The following CAST variants were observed in gnomAD, a reference collection of about 807,000 sequenced individuals.
The protein encoded by CAST is MIR583 host.
A neutral mutation model predicts 119.6 loss-of-function variants in CAST; 76 were observed. That is an observed-to-expected ratio of 0.64 (90% CI 0.53 to 0.77). The LOEUF is 0.77. Among genes scored for constraint, CAST ranks in the 30% least tolerant of loss-of-function variants. The pLI is 0.00. For missense variants in CAST, 953 were observed against 946.5 expected (o/e 1.01, Z -0.09); for synonymous variants, 319 against 331.6 (o/e 0.96, Z 0.41).
At chr5:96,637,463 G>T (rs1367040539) in intron 1 of CAST, among the ~76,000 whole-genome samples, 1 of 152,160 alleles carries the variant, frequency 6.6e-6, no homozygotes, top group African/African-American at 2.4e-5. Flanking sequence ...GTGGGTAAAT[G>T]AATTCAGCTT....
At chr5:96,330,848 A>C in the CAST span, among the ~76,000 whole-genome samples, 1 of 152,022 alleles carries the variant, frequency 6.6e-6, no homozygotes, top group Non-Finnish European at 1.5e-5. Context: ...GAGTGTGTGG[A>C]CCCTGGAGTG....
At chr5:96,364,738 A>AGT in the CAST span, among the ~76,000 whole-genome samples, 5 of 151,842 alleles carry the variant, frequency 3.3e-5, no homozygotes, top group African/African-American at 1.2e-4. Context: ...GTCTTGCTGC[A>AGT]GGTCTATCAA....
At chr5:96,235,592 C>T in the CAST span, among the ~76,000 whole-genome samples, 1 of 152,172 alleles carries the variant, frequency 6.6e-6, no homozygotes, top group South Asian at 2.1e-4. Flanking sequence ...AATCTCCCCA[C>T]TAGAAGTTGT....
At chr5:96,548,960 G>T (rs1465566856) in intron 1 of CAST, among the ~76,000 whole-genome samples, 3 of 152,164 alleles carry the variant, frequency 2.0e-5, no homozygotes, top group Non-Finnish European at 4.4e-5. Flanking sequence ...GCCTGAAGGT[G>T]AGCATCACTG....
At chr5:95,987,275 G>A in the CAST span, among the ~76,000 whole-genome samples, 8 of 152,146 alleles carry the variant, frequency 5.3e-5, no homozygotes, top group South Asian at 1.0e-3. Flanking sequence ...ACAAAGGAGT[G>A]TGACCCTTTC....
chr5:96,277,825 G>C, the CAST span, among the ~76,000 whole-genome samples: 3 of 151,728 alleles, frequency 2.0e-5, no homozygotes, highest in African/African-American at 7.3e-5. Context: ...TGTATTTATA[G>C]TCTTAAACAT....
chr5:96,640,894 A>G (rs1747941752), intron 1 of CAST, among the ~76,000 whole-genome samples: 2 of 152,198 alleles, frequency 1.3e-5, no homozygotes, highest in Non-Finnish European at 2.9e-5. Flanking sequence ...CCCAGAAACT[A>G]AGGTAAAGTC....
At chr5:96,178,827 C>T in the CAST span, among the ~76,000 whole-genome samples, 33 of 152,224 alleles carry the variant, frequency 2.2e-4, no homozygotes, top group Admixed American at 2.2e-3. Flanking sequence ...TGAGAGAGCA[C>T]TTATCTCTCA....
At chr5:96,555,929 C>A (rs1746229586) in intron 1 of CAST, among the ~76,000 whole-genome samples, 1 of 152,220 alleles carries the variant, frequency 6.6e-6, no homozygotes, top group Admixed American at 6.5e-5. Flanking sequence ...ACTGCCTCCT[C>A]AAGTGAGTAG....
intron 2 of CAST, among the ~76,000 whole-genome samples, chr5:96,686,782 A>C (rs1461072210): frequency 6.6e-6 from 1 of 152,178 alleles, no homozygotes; most frequent in Non-Finnish European, 1.5e-5. Context: ...TTCTGTAAGG[A>C]AAAAAATATT....
the CAST span, among the ~76,000 whole-genome samples, chr5:96,446,377 A>G: frequency 1.3e-5 from 2 of 152,164 alleles, no homozygotes; most frequent in East Asian, 3.8e-4. Context: ...ATCATGGCCA[A>G]TTGTGTCTCT....
intron 8 of CAST, among the ~76,000 whole-genome samples, chr5:96,730,284 T>C (rs1037357447): frequency 6.6e-6 from 1 of 152,248 alleles, no homozygotes; most frequent in Admixed American, 6.5e-5. Flanking sequence ...TAACGAGGTC[T>C]GCTTCACAGT....
intron 29 of CAST, chr5:96,769,050 G>A (rs1490499721): frequency 6.6e-6 from 1 of 152,194 alleles, no homozygotes; most frequent in East Asian, 1.9e-4. Context: ...CAACAAGTGT[G>A]AGGCATTTTC....
the CAST span, among the ~76,000 whole-genome samples, chr5:96,380,479 T>G: frequency 6.6e-6 from 1 of 152,174 alleles, no homozygotes; most frequent in Non-Finnish European, 1.5e-5. Flanking sequence ...AACTGGTTGC[T>G]TTTTCATCGA....
At chr5:96,162,612 T>C in the CAST span, among the ~76,000 whole-genome samples, 3 of 152,230 alleles carry the variant, frequency 2.0e-5, no homozygotes, top group East Asian at 5.8e-4. Context: ...GAGACGCTGT[T>C]TCACCATGTT....
At chr5:96,399,821 A>T in the CAST span, 1 of 724,256 alleles carries the variant, frequency 1.4e-6, no homozygotes, top group Non-Finnish European at 2.5e-6. Flanking sequence ...GGATACCCAC[A>T]GAGAACACTA....
the CAST span, among the ~76,000 whole-genome samples, chr5:96,285,246 C>G: frequency 6.6e-6 from 1 of 151,880 alleles, no homozygotes; most frequent in South Asian, 2.1e-4. Context: ...TACATTTTAA[C>G]AGTAGGAAAA....
the CAST span, among the ~76,000 whole-genome samples, chr5:96,422,673 G>A: frequency 3.3e-5 from 5 of 152,138 alleles, no homozygotes; most frequent in African/African-American, 1.2e-4. Context: ...TGTTTGATAG[G>A]TGGAAAGGAT....
At chr5:96,297,233 A>G in the CAST span, among the ~76,000 whole-genome samples, 11 of 152,224 alleles carry the variant, frequency 7.2e-5, no homozygotes, top group African/African-American at 2.4e-4. Context: ...AATATGACTG[A>G]GTGGTTGTCC....
Sources: gnomAD v4.1 joint callset for allele counts (sites outside exome capture counted in the v4.1 genomes callset) on GRCh38, gnomAD v4.1.1 for gene constraint, MANE v1.5 for transcripts, NCBI Gene and HGNC (gene_info 2026-07-23, HGNC 2026-07-21) for gene names.